ANKFN1: variants seen among roughly 807,000 people sequenced by gnomAD.
The protein encoded by ANKFN1 is ankyrin repeat and fibronectin type III domain containing 1, also known as ankyrin repeat and fibronectin type-III domain-containing protein 1.
In ANKFN1, 74 loss-of-function variants were observed where a neutral mutation model predicts 108.7. The ratio of observed to expected loss-of-function variants is 0.68; its 90% confidence interval spans 0.56 to 0.83. ANKFN1 has a LOEUF of 0.83. Among genes scored for constraint, ANKFN1 ranks in the 40% least tolerant of loss-of-function variants. The pLI, the probability that ANKFN1 is intolerant of heterozygous loss-of-function variation, is 0.00. For synonymous variants in ANKFN1, 547 were observed against 516.2 expected (o/e 1.06, Z -0.81); for missense variants, 1,505 against 1,382.3 (o/e 1.09, Z -1.41).
chr17:56,139,268 G>T (rs750304659), intron 4 of ANKFN1, among the ~76,000 whole-genome samples: 5 of 152,038 alleles, frequency 3.3e-5, no homozygotes, highest in Non-Finnish European at 7.4e-5. Context: ...AATCATGGCA[G>T]GTTAACTTCA....
chr17:56,413,281 G>A (rs2048148378), intron 8 of ANKFN1, among the ~76,000 whole-genome samples: 1 of 152,156 alleles, frequency 6.6e-6, no homozygotes, highest in South Asian at 2.1e-4. Flanking sequence ...TTTGTATCCT[G>A]AGACTTTGCT....
At chr17:56,318,088 AG>A (rs1194204601) in intron 3 of ANKFN1, among the ~76,000 whole-genome samples, 2 of 152,222 alleles carry the variant, frequency 1.3e-5, no homozygotes, top group African/African-American at 4.8e-5. Context: ...ATGACACAGT[AG>A]GTCACTTAAT....
At chr17:56,188,387 A>G (rs1227883357) in intron 1 of ANKFN1, among the ~76,000 whole-genome samples, 3 of 151,518 alleles carry the variant, frequency 2.0e-5, no homozygotes, top group African/African-American at 7.3e-5. Flanking sequence ...AGGGGGTTTA[A>G]AAGATGTTCC....
chr17:56,445,890 G>T (rs983161205), intron 10 of ANKFN1, among the ~76,000 whole-genome samples: 1 of 152,124 alleles, frequency 6.6e-6, no homozygotes, highest in Non-Finnish European at 1.5e-5. Context: ...CAGTTGAAGT[G>T]TCTCATTACC....
chr17:56,449,267 T>C, intron 11 of ANKFN1, 81 bp downstream of exon 11: 1 of 949,960 alleles, frequency 1.1e-6, no homozygotes, highest in Non-Finnish European at 1.6e-6. Flanking sequence ...AACTGGGTCA[T>C]ACCTTCTCAT....
At chr17:56,172,107 T>C (rs1416625390) in intron 1 of ANKFN1, among the ~76,000 whole-genome samples, 1 of 152,192 alleles carries the variant, frequency 6.6e-6, no homozygotes, top group Non-Finnish European at 1.5e-5. Flanking sequence ...TACTCTCTGC[T>C]TTTCTGAAAG....
At chr17:56,098,326 G>A (rs1414846746) in intron 4 of ANKFN1, among the ~76,000 whole-genome samples, 1 of 152,118 alleles carries the variant, frequency 6.6e-6, no homozygotes, top group Non-Finnish European at 1.5e-5. Context: ...AACTAATGTA[G>A]TCTCTATTTA....
chr17:56,340,582 TTA>T (rs965692555), intron 4 of ANKFN1, among the ~76,000 whole-genome samples: 4 of 151,770 alleles, frequency 2.6e-5, no homozygotes, highest in Non-Finnish European at 5.9e-5. Context: ...CCTATTGTCT[TTA>T]TCAACTTTGT....
intron 7 of ANKFN1, among the ~76,000 whole-genome samples, chr17:56,373,246 C>T (rs1313570233): frequency 3.3e-5 from 5 of 152,244 alleles, no homozygotes; most frequent in Non-Finnish European, 7.3e-5. Flanking sequence ...TTGTTTTCAA[C>T]GCTCTACTGC....
chr17:56,402,985 T>A (rs1040195150), intron 8 of ANKFN1, among the ~76,000 whole-genome samples: 2 of 152,152 alleles, frequency 1.3e-5, no homozygotes, highest in Non-Finnish European at 2.9e-5. Flanking sequence ...TGCCTGTATT[T>A]GCCATGTATT....
intron 4 of ANKFN1, among the ~76,000 whole-genome samples, chr17:56,098,442 G>GAA (rs1567786385): frequency 7.3e-4 from 103 of 141,390 alleles, no homozygotes; most frequent in African/African-American, 2.9e-3. Flanking sequence ...ACACACACGC[G>GAA]CGCGCACATA....
At chr17:56,245,253 A>T (rs1268704235) in intron 3 of ANKFN1, among the ~76,000 whole-genome samples, 3 of 152,078 alleles carry the variant, frequency 2.0e-5, no homozygotes, top group African/African-American at 7.2e-5. Context: ...TTCCTCATGT[A>T]ATTGATTCCC....
intron 1 of ANKFN1, among the ~76,000 whole-genome samples, chr17:56,165,971 T>C (rs1043039385): frequency 6.6e-6 from 1 of 152,140 alleles, no homozygotes; most frequent in African/African-American, 2.4e-5. Context: ...CCTGCCTCTG[T>C]TTTCCACATT....
intron 6 of ANKFN1, among the ~76,000 whole-genome samples, chr17:56,357,595 A>G (rs1173067278): frequency 6.6e-6 from 1 of 152,180 alleles, no homozygotes; most frequent in Non-Finnish European, 1.5e-5. Context: ...GTCGTGTTGG[A>G]GAGAGGCAGG....
intron 15 of ANKFN1, among the ~76,000 whole-genome samples, chr17:56,467,499 G>A (rs546390098): frequency 2.6e-5 from 4 of 151,798 alleles, no homozygotes; most frequent in Non-Finnish European, 5.9e-5. Context: ...GGCCAACATG[G>A]TGAAACCCCA....
intron 18 of ANKFN1, among the ~76,000 whole-genome samples, chr17:56,491,226 C>A (rs2051027965): frequency 6.6e-6 from 1 of 152,116 alleles, no homozygotes; most frequent in Non-Finnish European, 1.5e-5. Flanking sequence ...TTGTAACAGC[C>A]CTATTTCCAA....
At chr17:56,152,166 G>A (rs1044740320), upstream of ANKFN1, among the ~76,000 whole-genome samples, 1 of 151,712 alleles carries the variant, frequency 6.6e-6, no homozygotes, top group African/African-American at 2.4e-5. Context: ...GGATAGTAAT[G>A]GAAAGTTCCT....
chr17:56,409,262 C>T (rs2048017042), intron 8 of ANKFN1, among the ~76,000 whole-genome samples: 1 of 152,028 alleles, frequency 6.6e-6, no homozygotes, highest in Non-Finnish European at 1.5e-5. Flanking sequence ...GATTTGTTTC[C>T]CCACCTTATA....
At position 56,198,297 on chromosome 17, in the gene ANKFN1, T is replaced by C. The variant is rs369987582; in HGVS notation, c.-70-14301T>C. Among the ~76,000 whole-genome samples the C allele has an allele frequency of 3.5e-4, 53 of 152,340 alleles. 2 individuals are homozygous for C. In the South Asian group the frequency reaches 0.011, roughly 30 times the overall value. On this transcript the variant is annotated intron_variant, in intron 1 of 20. Transcript: ENST00000682825. ...ACTAAAACTACCCTTTTACAAACCA[T>C]TGGACAGTTTCAGGATGAAACTGTT...
Sources: gnomAD v4.1 joint callset for allele counts (sites outside exome capture counted in the v4.1 genomes callset) on GRCh38, gnomAD v4.1.1 for gene constraint, MANE v1.5 for transcripts, NCBI Gene and HGNC (gene_info 2026-07-23, HGNC 2026-07-21) for gene names.